ANKRD35: variants seen among roughly 807,000 people sequenced by gnomAD.
ANKRD35 encodes ankyrin repeat domain 35.
In ANKRD35, 102 loss-of-function variants were observed where a neutral mutation model predicts 109.9. The observed-to-expected ratio is 0.93, with a 90% confidence interval of 0.79 to 1.09. ANKRD35 has a LOEUF of 1.09. ANKRD35 is among the 50% of genes least tolerant of loss of function. The pLI is 0.00. For missense variants in ANKRD35, 1,240 were observed against 1,230.1 expected, an observed-to-expected ratio of 1.01 and a Z score of -0.12; for synonymous variants, 515 against 512.4, an observed-to-expected ratio of 1.01 and a Z score of -0.07.
intron 12 of ANKRD35, 51 bp downstream of exon 12, chr1:145,867,940 C>G: frequency 6.4e-7 from 1 of 1,568,084 alleles, no homozygotes; most frequent in Non-Finnish European, 8.8e-7. Context: ...AATGCAATAC[C>G]CTATACTCAG....
At chr1:145,871,565 A>G (rs10910825) in intron 10 of ANKRD35, among the ~76,000 whole-genome samples, 72,029 of 151,946 alleles carry the variant, frequency 0.47, 17,547 homozygotes, top group East Asian at 0.73. Context: ...CGCTGGGTCT[A>G]CTTTTCTTAA....
At chr1:145,877,938 A>G (rs1553740425) in intron 4 of ANKRD35, 30 bp downstream of exon 4, 3 of 1,606,276 alleles carry the variant, frequency 1.9e-6, no homozygotes, top group East Asian at 2.2e-5. Flanking sequence ...TCTTCCCTTC[A>G]TAAGAGTGGT....
In ANKRD35 at chr1:145,878,137, G is replaced by A. The variant is rs1192316531; in HGVS notation, c.260-105C>T. 4 of 1,180,474 alleles carry A rather than the reference G, an allele frequency of 3.4e-6. No individual in the cohort carries two copies. The South Asian group carries it at 5.0e-5, about 15-fold the overall frequency. The allele number at this position is 1,180,474 out of a possible 1,614,324, so 73.1% of individuals were successfully genotyped here. ...GCACAGATAATCAGGAGATTAGGGAGAGAAGCTTTCAGCCACACGGGGCCA... is the reference window on the plus strand; with the variant it reads ...GCACAGATAATCAGGAGATTAGGGAAAGAAGCTTTCAGCCACACGGGGCCA... On this transcript the variant is annotated intron_variant, in intron 3 of 13. Coordinates refer to ENST00000355594, the MANE Select transcript of ANKRD35 (RefSeq NM_144698.5).
chr1:145,884,787 G>A (rs1559179433), intron 1 of ANKRD35, among the ~76,000 whole-genome samples: 1 of 152,124 alleles, frequency 6.6e-6, no homozygotes, highest in Non-Finnish European at 1.5e-5. Context: ...CAAGGGTTCA[G>A]GAAATGAATA....
chr1:145,884,879 G>C (rs1176004248), intron 1 of ANKRD35, among the ~76,000 whole-genome samples: 2 of 152,210 alleles, frequency 1.3e-5, no homozygotes, highest in Non-Finnish European at 2.9e-5. Context: ...GCAGTGAACT[G>C]GCTGGGGTGG....
chr1:145,868,082 C>A, intron 11 of ANKRD35, 26 bp from the exon 12 acceptor site: 1 of 1,610,066 alleles, frequency 6.2e-7, no homozygotes, highest in South Asian at 1.1e-5. Flanking sequence ...AATGGGAAGT[C>A]ACATGTCCAC....
At position 145,885,816 on chromosome 1, in the gene ANKRD35, C is replaced by G. The variant is rs1553741802; in HGVS notation, c.-58G>C. On this transcript the variant is annotated 5_prime_UTR_variant, in exon 1 of 14. Transcript: ENST00000355594. ...CGCAGAGAGCCGGGCCACAGGTTCC[C>G]GAACCCACCGGACTTGGCTGCGGCT... is the stretch of plus-strand genomic sequence containing the variant. The G allele has an allele frequency of 2.2e-6, 3 of 1,351,964 alleles. No homozygotes were observed. Among genetic ancestry groups the G allele is most frequent in the South Asian group, 2.4e-5 (2 of 84,944 alleles). 83.7% of individuals were successfully genotyped at this position (1,351,964 alleles called of 1,614,324 possible).
rs1653935837 is a variant in ANKRD35 at position 145,873,544 on chromosome 1, G to A, written c.1225C>T (p.Pro409Ser). The A allele has an allele frequency of 6.2e-7, 1 of 1,613,914 alleles. No individual in the cohort carries two copies. Among genetic ancestry groups the A allele is most frequent in the Non-Finnish European group, 8.5e-7 (1 of 1,180,004 alleles). Residue 409 changes from proline (P) to serine (S), a missense_variant, in exon 10 of 14, where the codon CCA (proline) becomes TCA (serine). By Grantham distance (74) the Pro-to-Ser change is moderately conservative (BLOSUM62 -1). Transcript: ENST00000355594. ...TGGACTTCATACTGGATCTTTCCTGGGGCTGAGTCCTCAGCCTTCTTTGGA... is the reference window on the plus strand; with the variant it reads ...TGGACTTCATACTGGATCTTTCCTGAGGCTGAGTCCTCAGCCTTCTTTGGA... ...LAPKKAEDSAPGKIQYEVHGR... is the reference protein window; with the variant it reads ...LAPKKAEDSASGKIQYEVHGR...
chr1:145,880,050 G>C (rs1350356975), intron 1 of ANKRD35, among the ~76,000 whole-genome samples: 1 of 152,128 alleles, frequency 6.6e-6, no homozygotes, highest in Non-Finnish European at 1.5e-5. Flanking sequence ...ACAACCAAAA[G>C]GCAAAGAGGT....
rs1295809180 is a variant in ANKRD35, at chr1:145,873,615, A to C, written c.1154T>G (p.Leu385Arg). 2 of 1,613,902 alleles carry C rather than the reference A, an allele frequency of 1.2e-6. No homozygotes were observed. Among genetic ancestry groups the C allele is most frequent in the Admixed American group, 1.7e-5 (1 of 60,004 alleles). Reference sequence around the variant, plus strand: ...GGCTGCTGCCTGCTGCTGCTTCTTTAGCTCTTGTGTACTCTCAGCCAGCAG... The same window carrying C: ...GGCTGCTGCCTGCTGCTGCTTCTTTCGCTCTTGTGTACTCTCAGCCAGCAG... ...KDLLAESTQE[L>R]KKQQQAAATV... The change falls in exon 10 of 14, where the codon CTA (leucine) becomes CGA (arginine). Residue 385 changes from leucine (L) to arginine (R), a missense_variant. Physicochemically the swap from Leu to Arg is moderately radical, Grantham distance 102. Coordinates refer to ENST00000355594, the MANE Select transcript of ANKRD35 (RefSeq NM_144698.5).
chr1:145,878,365 G>C, intron 3 of ANKRD35, 26 bp downstream of exon 3: 2 of 1,553,186 alleles, frequency 1.3e-6, no homozygotes, highest in Non-Finnish European at 1.7e-6. Flanking sequence ...AGCAAGCAGC[G>C]TGGCCCAGTG....
At chr1:145,869,940 C>A (rs587699426) in intron 10 of ANKRD35, among the ~76,000 whole-genome samples, 6 of 152,240 alleles carry the variant, frequency 3.9e-5, no homozygotes, top group African/African-American at 1.4e-4. Flanking sequence ...TGGCTACTGA[C>A]CACTAAGGGA....
Position 145,868,317 on chromosome 1 carries a change from C to G in ANKRD35, c.2871G>C (p.Gln957His). ...IRGENARLALQLQDSQKNHEE... is the reference protein window; with the variant it reads ...IRGENARLALHLQDSQKNHEE... Reference sequence around the variant, plus strand: ...CCTGACAGCCAAAACATACCTGCAGCTGCAGGGCAAGGCGAGCATTTTCTC... The same window carrying G: ...CCTGACAGCCAAAACATACCTGCAGGTGCAGGGCAAGGCGAGCATTTTCTC... Residue 957 changes from glutamine to histidine, a missense_variant, in exon 11 of 14, where the codon CAG becomes CAC. Gln to His is a conservative substitution (Grantham distance 24). Transcript: ENST00000355594. 1.2e-6 allele frequency: 2 copies of G among 1,614,182 alleles called. No homozygotes were observed. Among genetic ancestry groups the G allele is most frequent in the African/African-American group, 2.7e-5 (2 of 75,040 alleles).
At chr1:145,881,765 G>C (rs188298927) in intron 1 of ANKRD35, among the ~76,000 whole-genome samples, 1 of 151,986 alleles carries the variant, frequency 6.6e-6, no homozygotes, top group African/African-American at 2.4e-5. Flanking sequence ...CATCTAGCTC[G>C]GTGTCTGTCA....
chr1:145,883,754 C>G (rs1654381578), intron 1 of ANKRD35, among the ~76,000 whole-genome samples: 1 of 152,120 alleles, frequency 6.6e-6, no homozygotes, highest in South Asian at 2.1e-4. Context: ...TAGTTTGCCA[C>G]CCAAAACAGT....
chr1:145,879,467 GC>G, intron 1 of ANKRD35, 79 bp from the exon 2 acceptor site: 1 of 1,342,780 alleles, frequency 7.4e-7, no homozygotes, highest in Non-Finnish European at 9.7e-7. Context: ...TGGTTAGGAT[GC>G]CAAATGAGAG....
At position 145,872,074 on chromosome 1, in the gene ANKRD35, G is replaced by C; in HGVS notation, c.2695C>G (p.Arg899Gly). ...AEQERQASEM[R>G]GRSEQFEKTA... ...TTCTCAAACTGCTCGGAGCGCCCCC[G>C]CATCTCGCTGGCCTGGCGCTCTTGT... Residue 899 changes from arginine (R) to glycine (G), a missense_variant, in exon 10 of 14, where the codon CGG (arginine) becomes GGG (glycine). Arg to Gly is a moderately radical substitution (Grantham distance 125). Transcript: ENST00000355594. 6.2e-7 allele frequency: 1 copy of C among 1,613,460 alleles called. No homozygotes were observed. Among genetic ancestry groups the C allele is most frequent in the Non-Finnish European group, 8.5e-7 (1 of 1,179,846 alleles).
intron 1 of ANKRD35, among the ~76,000 whole-genome samples, chr1:145,885,293 C>T (rs1654435950): frequency 6.6e-6 from 1 of 151,880 alleles, no homozygotes; most frequent in Non-Finnish European, 1.5e-5. Context: ...GGGGACAGGG[C>T]AGGGATGAAA....
rs1461574561 is a variant in ANKRD35 at position 145,885,267 on chromosome 1, T to C, written c.39+453A>G. Among the ~76,000 whole-genome samples, 4 of 151,918 alleles carry C rather than the reference T, an allele frequency of 2.6e-5. No individual in the cohort carries two copies. The East Asian group carries it at 7.7e-4, about 29-fold the overall frequency. ...AGGAAACAGCAAGGATAGAGCTACG[T>C]GGAAGGCAAGATTGCGGGGACAGGG... On this transcript the variant is annotated intron_variant, in intron 1 of 13. Transcript: ENST00000355594.
Sources: allele counts gnomAD v4.1 joint callset (sites outside exome capture counted in the v4.1 genomes callset), GRCh38; gene constraint gnomAD v4.1.1; transcripts MANE v1.5; gene names NCBI Gene and HGNC (gene_info 2026-07-23, HGNC 2026-07-21).